Variants in NALF1 observed in about 807,000 individuals in gnomAD.
NALF1 encodes the protein family with sequence similarity 155 member A.
NALF1 carries 3 observed loss-of-function variants against 48.4 expected under a neutral mutation model. That is an observed-to-expected ratio of 0.06 (90% CI 0.03 to 0.16). NALF1 has a LOEUF of 0.16. NALF1 is among the 10% of genes least tolerant of loss of function. The probability of loss-of-function intolerance (pLI) is 1.00; values close to 1 mark genes in which losing one functional copy is unlikely to be tolerated. For synonymous variants in NALF1, 262 were observed against 245.7 expected (o/e 1.07, Z -0.62); for missense variants, 526 against 571.5 (o/e 0.92, Z 0.81).
chr13:107,521,016 T>G (rs1876220446), intron 1 of NALF1, among the ~76,000 whole-genome samples: 1 of 152,176 alleles, frequency 6.6e-6, no homozygotes, highest in African/African-American at 2.4e-5. Context: ...TTCTCTAAGG[T>G]GTGAGGTCAT....
At chr13:107,771,829 C>T (rs1487179142) in intron 1 of NALF1, among the ~76,000 whole-genome samples, 6 of 152,140 alleles carry the variant, frequency 3.9e-5, no homozygotes, top group South Asian at 2.1e-4. Flanking sequence ...CTCCGCCTCC[C>T]GGGTTCAAGT....
intron 1 of NALF1, among the ~76,000 whole-genome samples, chr13:107,511,552 C>CAGACTTACATGAATTAACATGCTTT (rs1875892890): frequency 1.3e-5 from 2 of 152,276 alleles, no homozygotes; most frequent in Admixed American, 1.3e-4. Flanking sequence ...CTACGGTGAG[C>CAGACTTACATGAATTAACATGCTTT]TCAGTCCTAA....
chr13:107,736,256 C>T (rs1453814219), intron 1 of NALF1, among the ~76,000 whole-genome samples: 3 of 151,928 alleles, frequency 2.0e-5, no homozygotes, highest in Non-Finnish European at 4.4e-5. Flanking sequence ...TGTATCTAAA[C>T]AGCTGCACTG....
chr13:107,201,404 A>G (rs944188006), intron 2 of NALF1, among the ~76,000 whole-genome samples: 1 of 152,128 alleles, frequency 6.6e-6, no homozygotes, highest in Non-Finnish European at 1.5e-5. Flanking sequence ...GCGAAATGCC[A>G]TCTCTACTAA....
At chr13:107,582,507 T>C (rs927596193) in intron 1 of NALF1, among the ~76,000 whole-genome samples, 1 of 151,984 alleles carries the variant, frequency 6.6e-6, no homozygotes, top group African/African-American at 2.4e-5. Flanking sequence ...CAAGAGAAAA[T>C]CAGGAAATGT....
At chr13:107,302,931 C>T (rs1433029053) in intron 1 of NALF1, among the ~76,000 whole-genome samples, 1 of 152,170 alleles carries the variant, frequency 6.6e-6, no homozygotes, top group African/African-American at 2.4e-5. Context: ...TGTGCAAAAA[C>T]AAGCTGTGTG....
intron 1 of NALF1, among the ~76,000 whole-genome samples, chr13:107,838,948 A>G (rs1347099340): frequency 1.3e-5 from 2 of 152,120 alleles, no homozygotes; most frequent in Non-Finnish European, 2.9e-5. Context: ...CTTCACAGTA[A>G]GAGAGAGCAC....
intron 1 of NALF1, among the ~76,000 whole-genome samples, chr13:107,593,818 G>A (rs1594148140): frequency 1.4e-5 from 2 of 146,236 alleles, no homozygotes; most frequent in Admixed American, 6.8e-5. Flanking sequence ...TTTTCAACAG[G>A]AAAAAAAAAA....
At chr13:107,484,052 A>G (rs1324698003) in intron 1 of NALF1, among the ~76,000 whole-genome samples, 1 of 152,094 alleles carries the variant, frequency 6.6e-6, no homozygotes, top group Non-Finnish European at 1.5e-5. Flanking sequence ...TCAGCATTAA[A>G]TGTAAATTTT....
chr13:107,240,843 G>A (rs1265573985), intron 1 of NALF1, among the ~76,000 whole-genome samples: 1 of 151,828 alleles, frequency 6.6e-6, no homozygotes, highest in Non-Finnish European at 1.5e-5. Context: ...AGTGGAATGG[G>A]AGAGTGTTGC....
intron 1 of NALF1, among the ~76,000 whole-genome samples, chr13:107,332,231 C>T (rs2138925101): frequency 6.6e-6 from 1 of 152,226 alleles, no homozygotes; most frequent in African/African-American, 2.4e-5. Context: ...TAGGAATGAC[C>T]CTTCTCACCC....
At chr13:107,439,161 GA>G (rs1225895760) in intron 1 of NALF1, among the ~76,000 whole-genome samples, 1 of 151,924 alleles carries the variant, frequency 6.6e-6, no homozygotes, top group Admixed American at 6.6e-5. Context: ...CATTGTAATC[GA>G]CTTATGTGTT....
chr13:107,471,896 A>C (rs559273795), intron 1 of NALF1, among the ~76,000 whole-genome samples: 1 of 152,348 alleles, frequency 6.6e-6, no homozygotes, highest in South Asian at 2.1e-4. Flanking sequence ...AAAAGAGAGG[A>C]ATATGTTTTT....
intron 1 of NALF1, among the ~76,000 whole-genome samples, chr13:107,769,093 G>C (rs917906868): frequency 6.7e-6 from 1 of 148,790 alleles, no homozygotes; most frequent in African/African-American, 2.5e-5. Context: ...CTGTTGGTGG[G>C]ACTGTAAACT....
intron 1 of NALF1, among the ~76,000 whole-genome samples, chr13:107,369,523 TTAA>T (rs774070219): frequency 6.6e-6 from 1 of 152,126 alleles, no homozygotes; most frequent in East Asian, 1.9e-4. Context: ...TAGTATATAC[TTAA>T]TAATAAGTTT....
chr13:107,772,110 C>T lies in NALF1; in HGVS notation c.915+93572G>A, dbSNP rs1358688623. Reference sequence around the variant, plus strand: ...AGAAAATTAATCCTCTATCACAAACCCTTGAAGCAGAGCACATCTCCCCAT... The same window carrying T: ...AGAAAATTAATCCTCTATCACAAACTCTTGAAGCAGAGCACATCTCCCCAT... On this transcript the variant is annotated intron_variant, in intron 1 of 2. Coordinates refer to ENST00000375915, the MANE Select transcript of NALF1 (RefSeq NM_001080396.3). 2.6e-5 allele frequency among the ~76,000 whole-genome samples: 4 copies of T among 151,924 alleles called. No individual in the cohort carries two copies. The East Asian group carries it at 7.7e-4, about 29-fold the overall frequency.
chr13:107,361,147 A>C (rs770554332), intron 1 of NALF1, among the ~76,000 whole-genome samples: 1 of 152,230 alleles, frequency 6.6e-6, no homozygotes, highest in Non-Finnish European at 1.5e-5. Flanking sequence ...TTCATTGTCT[A>C]GCACTCTATT....
At chr13:107,664,085 C>T (rs989880849) in intron 1 of NALF1, among the ~76,000 whole-genome samples, 25 of 152,294 alleles carry the variant, frequency 1.6e-4, no homozygotes, top group African/African-American at 6.0e-4. Flanking sequence ...ATTTAATAGA[C>T]ATCTCAGAAA....
chr13:107,796,227 G>T (rs1878421459), intron 1 of NALF1, among the ~76,000 whole-genome samples: 1 of 151,956 alleles, frequency 6.6e-6, no homozygotes, highest in Admixed American at 6.6e-5. Flanking sequence ...TGTAGTTTGG[G>T]TCTTCTAACT....
Sources: gnomAD v4.1 joint callset for allele counts (sites outside exome capture counted in the v4.1 genomes callset) on GRCh38, gnomAD v4.1.1 for gene constraint, MANE v1.5 for transcripts, NCBI Gene and HGNC (gene_info 2026-07-23, HGNC 2026-07-21) for gene names.